Variants in ERBB4 observed in about 807,000 individuals in gnomAD.
ERBB4 encodes erb-b2 receptor tyrosine kinase 4.
In ERBB4, 42 loss-of-function variants were observed where a neutral mutation model predicts 158.0. The ratio of observed to expected loss-of-function variants is 0.27; its 90% confidence interval spans 0.21 to 0.34. The LOEUF is 0.34. ERBB4 is among the 10% of genes least tolerant of loss of function. The pLI, the probability that ERBB4 is intolerant of heterozygous loss-of-function variation, is 1.00. For missense variants in ERBB4, 1,333 were observed against 1,624.1 expected, an observed-to-expected ratio of 0.82 and a Z score of 3.08; for synonymous variants, 583 against 558.7, an observed-to-expected ratio of 1.04 and a Z score of -0.61.
chr2:211,442,724 T>C (rs1033668372), intron 20 of ERBB4, among the ~76,000 whole-genome samples: 1 of 62,742 alleles, frequency 1.6e-5, no homozygotes, highest in Non-Finnish European at 3.2e-5. Context: ...GATTTATATA[T>C]ACATATGTGT....
intron 15 of ERBB4, among the ~76,000 whole-genome samples, chr2:211,664,679 C>T: frequency 7.1e-6 from 1 of 141,560 alleles, no homozygotes; most frequent in East Asian, 2.0e-4. Flanking sequence ...ATTCATTGCA[C>T]AATGTATTCT....
chr2:211,953,258 T>C (rs765611472), intron 2 of ERBB4, among the ~76,000 whole-genome samples: 20 of 151,826 alleles, frequency 1.3e-4, no homozygotes, highest in Non-Finnish European at 2.5e-4. Flanking sequence ...AGGGGAGGGA[T>C]AGCATTAGGA....
intron 12 of ERBB4, among the ~76,000 whole-genome samples, chr2:211,683,275 C>T (rs956691695): frequency 2.8e-4 from 43 of 152,220 alleles, no homozygotes; most frequent in African/African-American, 1.0e-3. Flanking sequence ...CAGATTTCCT[C>T]ATAGCAAGAA....
chr2:212,043,529 A>T (rs563086394), intron 2 of ERBB4, among the ~76,000 whole-genome samples: 1 of 152,284 alleles, frequency 6.6e-6, no homozygotes, highest in Admixed American at 6.5e-5. Context: ...GGGATTTCAG[A>T]TAAAATGTTA....
At chr2:212,526,904 T>C (rs1692478434) in intron 1 of ERBB4, among the ~76,000 whole-genome samples, 1 of 152,086 alleles carries the variant, frequency 6.6e-6, no homozygotes. Flanking sequence ...TTGTAAACTG[T>C]ATGGGAACTA....
At chr2:212,533,407 CAAAGAGA>C (rs768071603) in intron 1 of ERBB4, among the ~76,000 whole-genome samples, 2 of 152,156 alleles carry the variant, frequency 1.3e-5, no homozygotes, top group Non-Finnish European at 2.9e-5. Context: ...AGCCAAGTCA[CAAAGAGA>C]TGCAGTGAGT....
chr2:211,611,396 T>A lies in ERBB4; in HGVS notation c.2301+7781A>T, dbSNP rs370474746. On this transcript the variant is annotated intron_variant, in intron 19 of 27. Transcript: ENST00000342788. ...AAAGGCAACCCTTCTGGGTCCAAAGTAAGGTGTGGAAGCTTTACTTTTGCT... is the reference window on the plus strand; with the variant it reads ...AAAGGCAACCCTTCTGGGTCCAAAGAAAGGTGTGGAAGCTTTACTTTTGCT... Among the ~76,000 whole-genome samples, 68 of 38,420 alleles carry A rather than the reference T, an allele frequency of 1.8e-3. 1 individual carries two copies. The South Asian group carries it at 0.049, about 27-fold the overall frequency. The allele number at this position is 38,420 out of a possible 152,430, so 25.2% of individuals were successfully genotyped here.
chr2:211,705,319 T>C lies in ERBB4; in HGVS notation c.1197A>G (p.Thr399=). The change falls in exon 10 of 28, where the codon ACA becomes ACG. Residue 399 remains threonine (T), a splice_region_variant and synonymous_variant. Transcript: ENST00000342788. ...AACAGTTGCAGTTTAAAAAATTACC[T>C]GTTATCTCTCTGACTGTCCGAAAGA... ...LNVFRTVREI[T]GFLNIQSWPP... is the part of the protein sequence containing the mutation. 2 of 1,602,660 alleles carry C rather than the reference T, an allele frequency of 1.2e-6. No individual in the cohort carries two copies. The highest frequency in any genetic ancestry group is 1.7e-6 in the Non-Finnish European group (2 of 1,169,680).
intron 1 of ERBB4, among the ~76,000 whole-genome samples, chr2:212,398,030 A>G (rs1188896872): frequency 6.6e-6 from 1 of 151,986 alleles, no homozygotes; most frequent in African/African-American, 2.4e-5. Context: ...TAATATCTGA[A>G]AAGAATAATC....
intron 3 of ERBB4, among the ~76,000 whole-genome samples, chr2:211,914,194 G>T (rs937359254): frequency 6.6e-6 from 1 of 151,656 alleles, no homozygotes; most frequent in Non-Finnish European, 1.5e-5. Flanking sequence ...GAAATTGTAT[G>T]TTGGGAGAGG....
At chr2:212,117,331 T>C (rs1198724055) in intron 2 of ERBB4, among the ~76,000 whole-genome samples, 1 of 152,200 alleles carries the variant, frequency 6.6e-6, no homozygotes, top group Non-Finnish European at 1.5e-5. Flanking sequence ...TCTTTTTTAA[T>C]GCTTGTTTAC....
chr2:211,544,704 A>C (rs2066897772), intron 20 of ERBB4, among the ~76,000 whole-genome samples: 1 of 152,104 alleles, frequency 6.6e-6, no homozygotes, highest in African/African-American at 2.4e-5. Flanking sequence ...ATTTAAACAT[A>C]TAATAGTATC....
intron 9 of ERBB4, among the ~76,000 whole-genome samples, chr2:211,710,548 A>G (rs2073658045): frequency 6.6e-6 from 1 of 152,130 alleles, no homozygotes; most frequent in South Asian, 2.1e-4. Flanking sequence ...AAAGTTGATT[A>G]AGGGTGTCCC....
At chr2:211,510,292 T>C (rs2065855012) in intron 20 of ERBB4, among the ~76,000 whole-genome samples, 1 of 152,026 alleles carries the variant, frequency 6.6e-6, no homozygotes, top group Non-Finnish European at 1.5e-5. Context: ...ATGGAAATAA[T>C]AAACACGGGG....
intron 1 of ERBB4, among the ~76,000 whole-genome samples, chr2:212,506,995 G>A (rs1007538333): frequency 6.6e-6 from 1 of 152,086 alleles, no homozygotes; most frequent in South Asian, 2.1e-4. Context: ...CAAAGGACAG[G>A]CTGACTGTTT....
chr2:211,438,717 A>T (rs991547923), intron 20 of ERBB4, among the ~76,000 whole-genome samples: 28 of 152,040 alleles, frequency 1.8e-4, no homozygotes, highest in Non-Finnish European at 3.8e-4. Flanking sequence ...TTGTTCCTGA[A>T]TGTTCTTCCT....
chr2:212,188,505 C>T (rs1026050604), intron 1 of ERBB4, among the ~76,000 whole-genome samples: 6 of 151,774 alleles, frequency 4.0e-5, no homozygotes, highest in Admixed American at 6.6e-5. Flanking sequence ...AACAGAAAAG[C>T]TAATGATGGC....
At chr2:211,417,707 G>T (rs1438191237) in intron 25 of ERBB4, among the ~76,000 whole-genome samples, 2 of 152,100 alleles carry the variant, frequency 1.3e-5, no homozygotes, top group African/African-American at 4.8e-5. Context: ...GTCTTTATTT[G>T]ATATTAGAAC....
intron 20 of ERBB4, among the ~76,000 whole-genome samples, chr2:211,487,893 C>G (rs989262987): frequency 6.6e-6 from 1 of 151,962 alleles, no homozygotes; most frequent in Admixed American, 6.6e-5. Flanking sequence ...ACACTGAAGG[C>G]CTGAACTGTC....
Sources: allele counts gnomAD v4.1 joint callset (sites outside exome capture counted in the v4.1 genomes callset), GRCh38; gene constraint gnomAD v4.1.1; transcripts MANE v1.5; gene names NCBI Gene and HGNC (gene_info 2026-07-23, HGNC 2026-07-21).